TENM4: variants seen among roughly 807,000 people sequenced by gnomAD.
TENM4 encodes the protein teneurin transmembrane protein 4.
In TENM4, 82 loss-of-function variants were observed where a neutral mutation model predicts 243.3. That is an observed-to-expected ratio of 0.34 (90% confidence interval 0.28 to 0.40). TENM4 has a LOEUF of 0.40. Among genes scored for constraint, TENM4 ranks in the 10% least tolerant of loss-of-function variants. The pLI is 1.00. For synonymous variants in TENM4, 1,412 were observed against 1,456.3 expected (o/e 0.97, Z 0.69); for missense variants, 3,138 against 3,673.3 (o/e 0.85, Z 3.77).
chr11:79,353,887 C>G (rs938087447), intron 1 of TENM4, among the ~76,000 whole-genome samples: 1 of 152,186 alleles, frequency 6.6e-6, no homozygotes, highest in African/African-American at 2.4e-5. Context: ...TTTGCATAGC[C>G]TCTATGGCTG....
intron 6 of TENM4, among the ~76,000 whole-genome samples, chr11:78,913,978 G>C (rs1451905808): frequency 6.6e-6 from 1 of 152,176 alleles, no homozygotes; most frequent in African/African-American, 2.4e-5. Context: ...CTTAAAGAAG[G>C]AGTATGTGTT....
chr11:78,958,710 C>T (rs938770177), intron 6 of TENM4, among the ~76,000 whole-genome samples: 6 of 152,336 alleles, frequency 3.9e-5, no homozygotes, highest in African/African-American at 1.2e-4. Context: ...GAGAGTCCAG[C>T]GCAAGCTCCC....
chr11:78,980,731 A>T (rs1857773555), intron 6 of TENM4, among the ~76,000 whole-genome samples: 1 of 152,180 alleles, frequency 6.6e-6, no homozygotes. Flanking sequence ...TACTTTACTT[A>T]TAGAAAAGGG....
intron 15 of TENM4, among the ~76,000 whole-genome samples, chr11:78,792,108 T>C (rs930828721): frequency 2.6e-5 from 4 of 152,102 alleles, no homozygotes; most frequent in Non-Finnish European, 5.9e-5. Context: ...CTGAAGAAAA[T>C]AGTTTATATG....
chr11:78,889,861 G>A lies in TENM4; in HGVS notation c.1008C>T (p.Tyr336=). The A allele has an allele frequency of 6.4e-7, 1 of 1,551,862 alleles. No homozygotes were observed. The highest frequency in any genetic ancestry group is 2.4e-5 in the East Asian group (1 of 40,926). Residue 336 remains tyrosine, a synonymous_variant, in exon 9 of 34, where the codon TAC becomes TAT. Coordinates refer to ENST00000278550, the MANE Select transcript of TENM4 (RefSeq NM_001098816.3). The part of the protein sequence containing the change: ...PAFNLKKPSK[Y]CNWKCAALSA... ...TCAGGGCTGCGCACTTCCAGTTACAGTACTTGGAGGGCTTCTTGAGGTTAA... is the reference window on the plus strand; with the variant it reads ...TCAGGGCTGCGCACTTCCAGTTACAATACTTGGAGGGCTTCTTGAGGTTAA...
At chr11:79,386,892 T>A (rs538426608) in intron 1 of TENM4, among the ~76,000 whole-genome samples, 47 of 152,062 alleles carry the variant, frequency 3.1e-4, no homozygotes, top group Admixed American at 4.6e-4. Flanking sequence ...CAGATACATA[T>A]CCTATAACCC....
intron 16 of TENM4, among the ~76,000 whole-genome samples, chr11:78,779,030 C>T (rs898694680): frequency 6.6e-6 from 1 of 152,248 alleles, no homozygotes; most frequent in East Asian, 1.9e-4. Context: ...CATCCAACCT[C>T]CCTACAGGTG....
rs935467847 is a variant in TENM4 at position 79,360,413 on chromosome 11, G to C, written c.-320-62870C>G. On this transcript the variant is annotated intron_variant, in intron 1 of 33. Coordinates refer to ENST00000278550, the MANE Select transcript of TENM4 (RefSeq NM_001098816.3). ...TCTTCCCACTCAGGATCAGCGTGTT[G>C]ATTCTGTTCACATAGGGAACCTCTC... is the stretch of plus-strand genomic sequence containing the variant. Among the ~76,000 whole-genome samples, 13 of 152,314 alleles carry C rather than the reference G, an allele frequency of 8.5e-5. 1 individual carries two copies. Among genetic ancestry groups the C allele is most frequent in the Admixed American group, 3.9e-4 (6 of 15,296 alleles).
intron 1 of TENM4, among the ~76,000 whole-genome samples, chr11:79,418,154 C>G (rs529330216): frequency 2.1e-4 from 32 of 151,886 alleles, no homozygotes; most frequent in Non-Finnish European, 4.4e-4. Flanking sequence ...ATATATGATA[C>G]AAATACAATT....
chr11:79,436,043 G>C (rs61884088), intron 1 of TENM4, among the ~76,000 whole-genome samples: 11,771 of 152,146 alleles, frequency 0.077, 519 homozygotes, highest in East Asian at 0.11. Flanking sequence ...TGGTTCTTTC[G>C]GGGCTGTTGA....
chr11:78,769,048 C>A (rs117450924), intron 18 of TENM4, among the ~76,000 whole-genome samples: 1,644 of 152,316 alleles, frequency 0.011, 16 homozygotes, highest in Non-Finnish European at 0.017. Flanking sequence ...AGTCATTTTG[C>A]TGCCCAGATG....
chr11:78,891,207 A>C, intron 8 of TENM4, 31 bp downstream of exon 8: 1 of 1,546,850 alleles, frequency 6.5e-7, no homozygotes, highest in Non-Finnish European at 8.8e-7. Flanking sequence ...AGGAGAGCAC[A>C]CACAGAGAGG....
chr11:78,796,993 A>C (rs937692602), intron 15 of TENM4, among the ~76,000 whole-genome samples: 4 of 152,224 alleles, frequency 2.6e-5, no homozygotes, highest in African/African-American at 9.6e-5. Flanking sequence ...ATATTAGTAC[A>C]CCAAAGTCAT....
intron 4 of TENM4, among the ~76,000 whole-genome samples, chr11:79,077,722 G>T (rs1018823171): frequency 6.6e-6 from 1 of 152,116 alleles, no homozygotes; most frequent in Non-Finnish European, 1.5e-5. Flanking sequence ...AGGGAAAGAG[G>T]TTGGAGAGAA....
rs138107623 is a variant in TENM4 at position 79,199,651 on chromosome 11, G to A, written c.-163+16157C>T. Among the ~76,000 whole-genome samples, 707 of 152,320 alleles carry A rather than the reference G, an allele frequency of 4.6e-3. 2 individuals carry two copies. Among genetic ancestry groups the A allele is most frequent in the African/African-American group, 0.015 (634 of 41,568 alleles). On this transcript the variant is annotated intron_variant, in intron 3 of 33. Transcript: ENST00000278550. ...AGATATGCAGTCCTGGGGCTGGACA[G>A]CTCACTTAAGCAGGGTGGCTGGATG...
chr11:79,069,099 C>T (rs544248609), intron 5 of TENM4, among the ~76,000 whole-genome samples: 1 of 152,150 alleles, frequency 6.6e-6, no homozygotes, highest in East Asian at 1.9e-4. Flanking sequence ...AATACTGGGG[C>T]AGGATGGATA....
chr11:79,289,515 C>T (rs185636729), intron 2 of TENM4, among the ~76,000 whole-genome samples: 1 of 152,344 alleles, frequency 6.6e-6, no homozygotes, highest in East Asian at 1.9e-4. Context: ...CCCTTTGGCT[C>T]AATGTGAGAC....
At chr11:79,043,044 A>C (rs139100959) in intron 6 of TENM4, among the ~76,000 whole-genome samples, 15 of 152,306 alleles carry the variant, frequency 9.8e-5, no homozygotes, top group Admixed American at 2.6e-4. Flanking sequence ...ATGCCATGAC[A>C]TTTCCTGGCT....
At chr11:78,789,039 CTTT>C (rs1856998704) in intron 15 of TENM4, among the ~76,000 whole-genome samples, 1 of 151,796 alleles carries the variant, frequency 6.6e-6, no homozygotes, top group Admixed American at 6.6e-5. Context: ...TTTTCTGTTT[CTTT>C]GTCTGTCTTA....
Sources: gnomAD v4.1 joint callset for allele counts (sites outside exome capture counted in the v4.1 genomes callset) on GRCh38, gnomAD v4.1.1 for gene constraint, MANE v1.5 for transcripts, NCBI Gene and HGNC (gene_info 2026-07-23, HGNC 2026-07-21) for gene names.